Variants in FDPS observed in about 807,000 individuals in gnomAD.
The protein encoded by FDPS is farnesyl diphosphate synthase.
FDPS carries 29 observed loss-of-function variants against 49.5 expected under a neutral mutation model. The observed-to-expected ratio is 0.59, with a 90% confidence interval of 0.44 to 0.80. The LOEUF (loss-of-function observed/expected upper bound fraction) is 0.80. FDPS is among the 30% of genes least tolerant of loss of function. The pLI, the probability that FDPS is intolerant of heterozygous loss-of-function variation, is 0.00. For missense variants in FDPS, 414 were observed against 525.6 expected (o/e 0.79, Z 2.08); for synonymous variants, 172 against 206.4 (o/e 0.83, Z 1.43).
intron 10 of FDPS, 192 bp from the exon 11 acceptor site, chr1:155,320,217 G>T (rs1341254887): frequency 9.2e-6 from 6 of 652,140 alleles, no homozygotes; most frequent in Non-Finnish European, 1.3e-5. Flanking sequence ...AGGATGCCTG[G>T]TATGAGGCAA....
intron 4 of FDPS, among the ~76,000 whole-genome samples, chr1:155,313,513 C>T (rs924468260): frequency 3.9e-5 from 6 of 152,166 alleles, no homozygotes; most frequent in African/African-American, 7.2e-5. Flanking sequence ...ACAGTCAGCC[C>T]GGGTACGTTC....
intron 1 of FDPS, chr1:155,309,241 C>G (rs992969032): frequency 6.6e-6 from 1 of 152,350 alleles, no homozygotes; most frequent in South Asian, 2.1e-4. Context: ...TCAGTCCTAG[C>G]GATTCCTGTG....
chr1:155,318,766 G>A lies in FDPS; in HGVS notation c.773+13G>A, dbSNP rs544917740. The A allele has an allele frequency of 6.2e-7, 1 of 1,607,906 alleles. No homozygotes were observed. Among genetic ancestry groups the A allele is most frequent in the East Asian group, 2.2e-5 (1 of 44,844 alleles). Reference sequence around the variant, plus strand: ...TCACTGAAAAGAGGTGAGGGGAGGTGAGGGACAGCGCGAACCATGTCTGGA... The same window carrying A: ...TCACTGAAAAGAGGTGAGGGGAGGTAAGGGACAGCGCGAACCATGTCTGGA... On this transcript the variant is annotated intron_variant, in intron 7 of 10. Transcript: ENST00000368356. This position sits in a 1 kb window ranked among gnomAD's most constrained non-coding sequence, Gnocchi z 4.2.
At chr1:155,312,633 G>A (rs940330939) in intron 4 of FDPS, 1 of 463,990 alleles carries the variant, frequency 2.2e-6, no homozygotes, top group Non-Finnish European at 3.9e-6. Flanking sequence ...CTGGGGCCTC[G>A]AGACTGGGCA....
At chr1:155,312,607 T>A (rs959758430) in intron 4 of FDPS, 2 of 553,576 alleles carry the variant, frequency 3.6e-6, no homozygotes, top group Non-Finnish European at 6.5e-6. Context: ...CTGTAGATAG[T>A]TGTAGACAGT....
rs1049166713 is a variant in FDPS at position 155,320,628 on chromosome 1, G to T, written c.*19G>T. The T allele has an allele frequency of 6.2e-7, 1 of 1,611,298 alleles. No individual in the cohort carries two copies. Among genetic ancestry groups the T allele is most frequent in the Non-Finnish European group, 8.5e-7 (1 of 1,178,426 alleles). ...AAAGTGACCTAGAGATTGCAAGGGC[G>T]GGGAGAGGAGGCTCTCAATAAATAA... On this transcript the variant is annotated 3_prime_UTR_variant, in exon 11 of 11. Coordinates refer to ENST00000368356, the MANE Select transcript of FDPS (RefSeq NM_002004.4).
chr1:155,319,050 G>A lies in FDPS; in HGVS notation c.846+122G>A, dbSNP rs189127326. ...AAAACTGTGTGACCTTGAGCAAGTC[G>A]GTCTCGCTCAGTCTCTTTCCTCAGC... On this transcript the variant is annotated intron_variant, in intron 8 of 10. Transcript: ENST00000368356. 3.1e-4 allele frequency: 227 copies of A among 733,792 alleles called. 3 individuals carry two copies. The East Asian group carries it at 5.0e-3, about 16-fold the overall frequency. The allele number at this position is 733,792 out of a possible 1,614,324, so 45.5% of individuals were successfully genotyped here.
At chr1:155,310,301 TG>T in intron 3 of FDPS, 96 bp downstream of exon 3, 3 of 1,148,664 alleles carry the variant, frequency 2.6e-6, no homozygotes. Context: ...TTTTGACAGA[TG>T]TGAGAGAAAG....
rs369535784 is a variant in FDPS at position 155,318,311 on chromosome 1, C to T, written c.684+20C>T. 6.2e-5 allele frequency: 100 copies of T among 1,607,298 alleles called. 4 individuals are homozygous for T. The South Asian group carries it at 7.1e-4, about 11-fold the overall frequency. On this transcript the variant is annotated intron_variant, in intron 6 of 10. Transcript: ENST00000368356. The surrounding 1 kb of genome is among the most constrained non-coding windows in gnomAD (Gnocchi z 4.2). ...CTGCAGGTGTATTGCAGACAGGGCC[C>T]GATGCCCAGAGGGTGCCCATGGTAG...
Position 155,318,475 on chromosome 1 carries a change from G to A in FDPS, c.684+184G>A. ...GCAAGAAAGGGCTTCTCTGTCCTGT[G>A]TAATTGGAAGAAAGGGTGATAAAGG... On this transcript the variant is annotated intron_variant, in intron 6 of 10. Coordinates refer to ENST00000368356, the MANE Select transcript of FDPS (RefSeq NM_002004.4). The surrounding 1 kb of genome is among the most constrained non-coding windows in gnomAD (Gnocchi z 4.2). 1.2e-6 allele frequency: 1 copy of A among 840,110 alleles called. No individual in the cohort carries two copies. Among genetic ancestry groups the A allele is most frequent in the South Asian group, 1.5e-5 (1 of 66,296 alleles). The allele number at this position is 840,110 out of a possible 1,614,324, so 52.0% of individuals were successfully genotyped here.
In FDPS at chr1:155,318,844, C is replaced by T. The variant is rs1649825183; in HGVS notation, c.774-12C>T. The T allele has an allele frequency of 1.9e-6, 3 of 1,610,020 alleles. No homozygotes were observed. The highest frequency in any genetic ancestry group is 2.6e-6 in the Non-Finnish European group (3 of 1,176,420). The stretch of plus-strand genomic sequence containing the variant: ...TGCCCTCCTGAGGAGTTTCTCTTCT[C>T]CCCTTACTCAGGTACAAATCTATTG... On this transcript the variant is annotated splice_polypyrimidine_tract_variant and intron_variant, in intron 7 of 10. Coordinates refer to ENST00000368356, the MANE Select transcript of FDPS (RefSeq NM_002004.4). The surrounding 1 kb of genome is among the most constrained non-coding windows in gnomAD (Gnocchi z 4.2).
chr1:155,317,894 A>T, intron 4 of FDPS, 47 bp from the exon 5 acceptor site: 2 of 1,537,508 alleles, frequency 1.3e-6, no homozygotes, highest in Non-Finnish European at 1.8e-6. Flanking sequence ...TGCTGATAGA[A>T]GGAACAGTAA....
rs759543857 is a variant in FDPS at position 155,310,067 on chromosome 1, G to C, written c.201G>C (p.Met67Ile). 2.1e-5 allele frequency: 34 copies of C among 1,613,690 alleles called. No homozygotes were observed. The highest frequency in any genetic ancestry group is 2.8e-5 in the Non-Finnish European group (33 of 1,180,020). ...GAGCCCTTTGCTCCTCCCTCAGAAT[G>C]AACGGAGACCAGAATTCAGATGTTT... ...EPRALCSSLR[M>I]NGDQNSDVYA... Residue 67 changes from methionine (M) to isoleucine (I), a missense_variant, in exon 3 of 11, where the codon ATG becomes ATC. Transcript: ENST00000368356.
At chr1:155,311,408 T>C (rs1322074523) in intron 3 of FDPS, among the ~76,000 whole-genome samples, 1 of 152,180 alleles carries the variant, frequency 6.6e-6, no homozygotes, top group African/African-American at 2.4e-5. Flanking sequence ...GAGACACTAC[T>C]GGAGGAGTGG....
chr1:155,310,305 A>T, intron 3 of FDPS, 100 bp downstream of exon 3: 16 of 984,502 alleles, frequency 1.6e-5, no homozygotes, highest in Non-Finnish European at 2.4e-5. Flanking sequence ...GACAGATGTG[A>T]GAGAAAGCTT....
chr1:155,320,291 G>C (rs919179684), intron 10 of FDPS, 118 bp from the exon 11 acceptor site: 20 of 836,294 alleles, frequency 2.4e-5, no homozygotes, highest in Non-Finnish European at 3.9e-5. Flanking sequence ...AAATTGGAGG[G>C]AGGAAAGGAG....
chr1:155,310,365 C>T (rs866016417), intron 3 of FDPS, 160 bp downstream of exon 3: 22 of 631,114 alleles, frequency 3.5e-5, no homozygotes, highest in Middle Eastern at 3.8e-4. Flanking sequence ...GGCTGGAGTG[C>T]GATGGTGTGA....
intron 4 of FDPS, among the ~76,000 whole-genome samples, chr1:155,314,869 C>G (rs1202757544): frequency 6.6e-6 from 1 of 151,566 alleles, no homozygotes; most frequent in African/African-American, 2.4e-5. Context: ...TTTGGGGAGG[C>G]CATGGAATTA....
chr1:155,310,098 C>G lies in FDPS; in HGVS notation c.232C>G (p.Gln78Glu). The change falls in exon 3 of 11, where the codon CAA (glutamine) becomes GAA (glutamate). Residue 78 changes from glutamine to glutamate, a missense_variant. Gln to Glu is a conservative substitution (Grantham distance 29). Coordinates refer to ENST00000368356, the MANE Select transcript of FDPS (RefSeq NM_002004.4). The stretch of plus-strand genomic sequence containing the variant: ...AGACCAGAATTCAGATGTTTATGCC[C>G]AAGAAAAGCAGGATTTCGTTCAGCA... ...NGDQNSDVYA[Q>E]EKQDFVQHFS... The G allele has an allele frequency of 1.2e-6, 2 of 1,613,858 alleles. No individual in the cohort carries two copies.
Sources: gnomAD v4.1 joint callset for allele counts (sites outside exome capture counted in the v4.1 genomes callset) on GRCh38, gnomAD v4.1.1 for gene constraint, Gnocchi (gnomAD v3.1) non-coding constraint, MANE v1.5 for transcripts, NCBI Gene and HGNC (gene_info 2026-07-23, HGNC 2026-07-21) for gene names.